GFRA1: variants seen among roughly 807,000 people sequenced by gnomAD.
GFRA1 encodes GDNF family receptor alpha 1.
A neutral mutation model predicts 51.6 loss-of-function variants in GFRA1; 16 were observed. The ratio of observed to expected loss-of-function variants is 0.31; its 90% CI spans 0.21 to 0.47. GFRA1 has a LOEUF of 0.47. Ranked by LOEUF, GFRA1 falls within the 20% of genes least tolerant of loss-of-function variation. The pLI is 1.00. For missense variants in GFRA1, 530 were observed against 594.3 expected, an observed-to-expected ratio of 0.89 and a Z score of 1.13; for synonymous variants, 270 against 241.3, an observed-to-expected ratio of 1.12 and a Z score of -1.10.
chr10:116,219,566 C>G (rs1327465757), intron 4 of GFRA1, among the ~76,000 whole-genome samples: 1 of 152,096 alleles, frequency 6.6e-6, no homozygotes, highest in African/African-American at 2.4e-5. Flanking sequence ...ATGACCTTCT[C>G]GGAATTCTTT....
intron 4 of GFRA1, among the ~76,000 whole-genome samples, chr10:116,258,479 C>A (rs1969064833): frequency 6.8e-6 from 1 of 147,210 alleles, no homozygotes; most frequent in Non-Finnish European, 1.5e-5. Flanking sequence ...ATATACGTAA[C>A]ATATATAATG....
chr10:116,174,650 C>A (rs143027363), intron 5 of GFRA1, among the ~76,000 whole-genome samples: 3 of 152,094 alleles, frequency 2.0e-5, no homozygotes, highest in Non-Finnish European at 4.4e-5. Flanking sequence ...CAATTTTATA[C>A]CTTAGTCCAT....
At chr10:116,203,144 A>G (rs1964472557) in intron 5 of GFRA1, among the ~76,000 whole-genome samples, 1 of 152,176 alleles carries the variant, frequency 6.6e-6, no homozygotes. Flanking sequence ...ACACCCAGCC[A>G]TCAGCAGAAC....
chr10:116,099,913 T>C (rs1458886772), intron 6 of GFRA1, among the ~76,000 whole-genome samples: 2 of 152,210 alleles, frequency 1.3e-5, no homozygotes, highest in Non-Finnish European at 2.9e-5. Context: ...GACAGCAAAA[T>C]AATTGTTATT....
chr10:116,160,667 G>A (rs1323843562), intron 5 of GFRA1, among the ~76,000 whole-genome samples: 1 of 152,144 alleles, frequency 6.6e-6, no homozygotes, highest in Non-Finnish European at 1.5e-5. Context: ...GTCCTAAATG[G>A]GTTGGAGATC....
chr10:116,216,492 A>G (rs968554070), intron 4 of GFRA1, among the ~76,000 whole-genome samples: 4 of 152,244 alleles, frequency 2.6e-5, no homozygotes, highest in Non-Finnish European at 5.9e-5. Context: ...TTATTACAAT[A>G]TCACACTTAG....
chr10:116,163,624 C>T lies in GFRA1; in HGVS notation c.434-38067G>A, dbSNP rs1210688137. Among the ~76,000 whole-genome samples, 7 of 152,332 alleles carry T rather than the reference C, an allele frequency of 4.6e-5. No individual in the cohort carries two copies. The East Asian group carries it at 1.4e-3, about 29-fold the overall frequency. On this transcript the variant is annotated intron_variant, in intron 5 of 10. Transcript: ENST00000355422. ...CCGCGGGCTGTGCTGTGGTCACTCCCCCAGCATGGGGTGGCCTGCAGCAGG... is the reference window on the plus strand; with the variant it reads ...CCGCGGGCTGTGCTGTGGTCACTCCTCCAGCATGGGGTGGCCTGCAGCAGG...
chr10:116,149,020 T>C (rs1436994054), intron 5 of GFRA1, among the ~76,000 whole-genome samples: 1 of 127,410 alleles, frequency 7.8e-6, no homozygotes, highest in African/African-American at 3.0e-5. Flanking sequence ...GGCTGGACAC[T>C]GTCACCTCCC....
chr10:116,246,975 C>T (rs779240532), intron 4 of GFRA1, among the ~76,000 whole-genome samples: 4 of 152,032 alleles, frequency 2.6e-5, no homozygotes, highest in South Asian at 4.2e-4. Context: ...GAATATTGTT[C>T]GTGGAAGTGT....
intron 6 of GFRA1, among the ~76,000 whole-genome samples, chr10:116,102,574 C>T (rs144393688): frequency 1.5e-3 from 235 of 152,246 alleles, no homozygotes; most frequent in East Asian, 5.4e-3. Context: ...CCACATGGTG[C>T]GGAGGTCTCA....
At chr10:116,221,806 T>C (rs775776911) in intron 4 of GFRA1, among the ~76,000 whole-genome samples, 24 of 152,216 alleles carry the variant, frequency 1.6e-4, no homozygotes, top group Non-Finnish European at 7.3e-5. Context: ...TTTCTATCTG[T>C]GGATTTTGGG....
At chr10:116,192,999 C>T (rs1963409014) in intron 5 of GFRA1, among the ~76,000 whole-genome samples, 1 of 152,160 alleles carries the variant, frequency 6.6e-6, no homozygotes, top group South Asian at 2.1e-4. Context: ...CCCCCTCCAT[C>T]TCTCCCAGGC....
chr10:116,093,949 T>C lies in GFRA1; in HGVS notation c.881-113A>G, dbSNP rs1956467526. 4.1e-6 allele frequency: 4 copies of C among 982,650 alleles called. No individual in the cohort carries two copies. In the Admixed American group the frequency reaches 5.5e-5, roughly 14 times the overall value. 60.9% of individuals were successfully genotyped at this position (982,650 alleles called of 1,614,324 possible). Reference sequence around the variant, plus strand: ...ATGCACCGTGGATAATTACAGACATTGTATTTGCTGAGTGGGAAATTATGT... The same window carrying C: ...ATGCACCGTGGATAATTACAGACATCGTATTTGCTGAGTGGGAAATTATGT... On this transcript the variant is annotated intron_variant, in intron 7 of 10. Transcript: ENST00000355422.
chr10:116,271,957 G>T (rs776152315), intron 2 of GFRA1, 33 bp downstream of exon 2: 2 of 1,534,420 alleles, frequency 1.3e-6, no homozygotes, highest in Non-Finnish European at 1.8e-6. Context: ...AAGACTCAGA[G>T]GGTAAGAAAG....
chr10:116,234,642 A>T (rs1359165405), intron 4 of GFRA1, among the ~76,000 whole-genome samples: 2 of 152,224 alleles, frequency 1.3e-5, no homozygotes, highest in Non-Finnish European at 2.9e-5. Flanking sequence ...AAATTACATT[A>T]CATATATACA....
At chr10:116,204,194 A>G (rs1173688289) in intron 5 of GFRA1, among the ~76,000 whole-genome samples, 1 of 152,248 alleles carries the variant, frequency 6.6e-6, no homozygotes, top group Admixed American at 6.5e-5. Context: ...CAGGTGTCTT[A>G]CCATGGGAGT....
chr10:116,266,834 G>A (rs1215251016), intron 4 of GFRA1, among the ~76,000 whole-genome samples: 3 of 152,262 alleles, frequency 2.0e-5, no homozygotes, highest in African/African-American at 7.2e-5. Context: ...CAAGGGTAGA[G>A]AAGGTGATGT....
chr10:116,159,734 G>A (rs1411193243), intron 5 of GFRA1, among the ~76,000 whole-genome samples: 6 of 152,182 alleles, frequency 3.9e-5, no homozygotes. Context: ...ACGGAAGGCT[G>A]AGGTCAGAAG....
chr10:116,184,347 C>T (rs564763874), intron 5 of GFRA1, among the ~76,000 whole-genome samples: 18 of 152,324 alleles, frequency 1.2e-4, no homozygotes, highest in African/African-American at 3.8e-4. Context: ...GAGAGGTCCA[C>T]GCAGCTTGGA....
Sources: allele counts gnomAD v4.1 joint callset (sites outside exome capture counted in the v4.1 genomes callset), GRCh38; gene constraint gnomAD v4.1.1; transcripts MANE v1.5; gene names NCBI Gene and HGNC (gene_info 2026-07-23, HGNC 2026-07-21).